The following NSL1 variants were observed in gnomAD, a reference collection of about 807,000 sequenced individuals.
NSL1 encodes the protein kinetochore-associated protein NSL1 homolog.
Under a neutral mutation model 25.4 loss-of-function variants are expected in NSL1, and 11 were observed. The ratio of observed to expected loss-of-function variants is 0.43; its 90% CI spans 0.27 to 0.72. NSL1 has a LOEUF of 0.72. NSL1 is among the 30% of genes least tolerant of loss of function. The probability of loss-of-function intolerance (pLI) is 0.19; values close to 1 mark genes in which losing one functional copy is unlikely to be tolerated. For synonymous variants in NSL1, 118 were observed against 120.6 expected (o/e 0.98, Z 0.14); for missense variants, 330 against 342.7 (o/e 0.96, Z 0.29).
rs895513038 is a variant in NSL1, at chr1:212,736,736, T to C, written c.*1672A>G. ...TAAAAATTTCCAACACAAAGTAGAA[T>C]ATAGTCATTACACAGATTCAACATT... is the stretch of plus-strand genomic sequence containing the variant. On this transcript the variant is annotated 3_prime_UTR_variant, in exon 6 of 6. Coordinates refer to ENST00000366977, the MANE Select transcript of NSL1 (RefSeq NM_015471.4). 1 of 984,436 alleles carries C rather than the reference T, an allele frequency of 1.0e-6. No homozygotes were observed. The highest frequency in any genetic ancestry group is 1.2e-6 in the Non-Finnish European group (1 of 829,046). The allele number at this position is 984,436 out of a possible 1,614,324, so 61.0% of individuals were successfully genotyped here. A position where few individuals can be genotyped will look rare whatever the true frequency, so the allele number is the denominator to read the frequency against.
intron 4 of NSL1, 58 bp from the exon 5 acceptor site, chr1:212,739,659 G>A: frequency 6.5e-7 from 1 of 1,535,434 alleles, no homozygotes; most frequent in South Asian, 1.1e-5. Flanking sequence ...AATCATAAAA[G>A]GCATATAGAT....
In NSL1 at chr1:212,771,316, A is replaced by G. The variant is rs530350232; in HGVS notation, c.499+11056T>C. Among the ~76,000 whole-genome samples, 85 of 152,306 alleles carry G rather than the reference A, an allele frequency of 5.6e-4. 1 individual carries two copies. The highest frequency in any genetic ancestry group is 9.6e-4 in the Non-Finnish European group (65 of 68,016). On this transcript the variant is annotated intron_variant, in intron 4 of 5. Transcript: ENST00000366977. Reference sequence around the variant, plus strand: ...GCAATAAGTGCAAAACTCCATCTCAAAAAACAAAAAACAAAAAACCTCTCA... The same window carrying G: ...GCAATAAGTGCAAAACTCCATCTCAGAAAACAAAAAACAAAAAACCTCTCA...
Position 212,731,478 on chromosome 1 carries a change from G to A in NSL1, c.*6930C>T, listed in dbSNP as rs1000680325. 12 of 985,258 alleles carry A rather than the reference G, an allele frequency of 1.2e-5. No individual in the cohort carries two copies. Among genetic ancestry groups the A allele is most frequent in the Admixed American group, 6.1e-5 (1 of 16,264 alleles). 61.0% of individuals were successfully genotyped at this position (985,258 alleles called of 1,614,324 possible). ...TGAAACCCTGAAAAACTGAAACCCC[G>A]AGAAAGGTTCTAGGGGATGATTTGT... On this transcript the variant is annotated 3_prime_UTR_variant, in exon 6 of 6. Transcript: ENST00000366977.
chr1:212,759,882 A>T (rs571557840), intron 4 of NSL1, among the ~76,000 whole-genome samples: 84 of 151,972 alleles, frequency 5.5e-4, no homozygotes, highest in Middle Eastern at 3.4e-3. Flanking sequence ...TGAAGCGCAC[A>T]CTCCTCAGAG....
chr1:212,786,026 CTT>C (rs1022461280), intron 2 of NSL1, among the ~76,000 whole-genome samples: 5 of 150,658 alleles, frequency 3.3e-5, no homozygotes, highest in African/African-American at 1.2e-4. Flanking sequence ...TCCTTTTTCT[CTT>C]TCTTTCCTTC....
rs1455150357 is a variant in NSL1 at position 212,731,125 on chromosome 1, AT to A, written c.*7282del. Reference sequence around the variant, plus strand: ...CCCTTCAGTGGTTCTCTAGAGAGATATTTTTTTCTTCAGAGACTTTCATAAT... The same window carrying A: ...CCCTTCAGTGGTTCTCTAGAGAGATATTTTTTCTTCAGAGACTTTCATAAT... On this transcript the variant is annotated 3_prime_UTR_variant, in exon 6 of 6. Coordinates refer to ENST00000366977, the MANE Select transcript of NSL1 (RefSeq NM_015471.4). 1.9e-5 allele frequency: 19 copies of A among 983,078 alleles called. No homozygotes were observed. Among genetic ancestry groups the A allele is most frequent in the Admixed American group, 1.3e-4 (2 of 15,898 alleles). 60.9% of individuals were successfully genotyped at this position (983,078 alleles called of 1,614,324 possible).
At chr1:212,785,119 T>C (rs1400415349) in intron 2 of NSL1, among the ~76,000 whole-genome samples, 6 of 152,126 alleles carry the variant, frequency 3.9e-5, no homozygotes, top group Non-Finnish European at 7.4e-5. Context: ...CTAAGAAGTT[T>C]TGACTTATTA....
At chr1:212,754,502 C>T (rs552501596) in intron 4 of NSL1, among the ~76,000 whole-genome samples, 7 of 152,182 alleles carry the variant, frequency 4.6e-5, no homozygotes, top group African/African-American at 1.7e-4. Context: ...ACCAGCCCGG[C>T]GCGGTGGCTC....
At chr1:212,749,459 T>TCACC (rs1658965414) in intron 4 of NSL1, among the ~76,000 whole-genome samples, 1 of 150,024 alleles carries the variant, frequency 6.7e-6, no homozygotes, top group South Asian at 2.1e-4. Flanking sequence ...TCTCACTCTG[T>TCACC]CACCCAGGCC....
Position 212,726,301 on chromosome 1 carries a change from A to C in NSL1, c.*12107T>G, listed in dbSNP as rs1657782929. The C allele has an allele frequency of 6.6e-6, 1 of 152,200 alleles. No individual in the cohort carries two copies. The highest frequency in any genetic ancestry group is 2.1e-4 in the South Asian group (1 of 4,822). The allele number at this position is 152,200 out of a possible 1,614,324, so 9.4% of individuals were successfully genotyped here. ...AAAGGATCAGATGTCCCCCATAAAC[A>C]ACTACTCTACTCAGTAGGAAGAAAA... On this transcript the variant is annotated 3_prime_UTR_variant, in exon 6 of 6. Transcript: ENST00000366977.
chr1:212,771,611 C>CAAAAAAAAAAAAAAAAA, intron 4 of NSL1, among the ~76,000 whole-genome samples: 1 of 63,946 alleles, frequency 1.6e-5, no homozygotes, highest in Non-Finnish European at 3.4e-5. Flanking sequence ...AAGACTCCAC[C>CAAAAAAAAAAAAAAAAA]AAAAAAAAAA....
At chr1:212,771,275 T>C (rs895245907) in intron 4 of NSL1, among the ~76,000 whole-genome samples, 8 of 152,072 alleles carry the variant, frequency 5.3e-5, no homozygotes, top group Admixed American at 2.6e-4. Context: ...GATTGTGCCA[T>C]TGGACTCCAG....
chr1:212,764,843 C>CAAAAAAAAAAAAAAAAAAAAAA (rs3086471), intron 4 of NSL1, among the ~76,000 whole-genome samples: 6 of 38,876 alleles, frequency 1.5e-4, no homozygotes, highest in African/African-American at 2.4e-4. Context: ...AAGACTGTCT[C>CAAAAAAAAAAAAAAAAAAAAAA]AAAAAAAAAA....
At position 212,727,394 on chromosome 1, in the gene NSL1, C is replaced by A. The variant is rs1366366101; in HGVS notation, c.*11014G>T. 3 of 985,228 alleles carry A rather than the reference C, an allele frequency of 3.0e-6. 1 individual carries two copies. In the Admixed American group the frequency reaches 1.8e-4, roughly 61 times the overall value. 61.0% of individuals were successfully genotyped at this position (985,228 alleles called of 1,614,324 possible). Reference sequence around the variant, plus strand: ...CTTAACCAGGGAAATAAGTATCAGTCAAGTTAATGTTTCCAAAATATACTC... The same window carrying A: ...CTTAACCAGGGAAATAAGTATCAGTAAAGTTAATGTTTCCAAAATATACTC... On this transcript the variant is annotated 3_prime_UTR_variant, in exon 6 of 6. Transcript: ENST00000366977.
intron 4 of NSL1, among the ~76,000 whole-genome samples, chr1:212,758,183 C>T (rs1659398696): frequency 1.3e-5 from 2 of 152,058 alleles, no homozygotes; most frequent in Admixed American, 1.3e-4. Flanking sequence ...TATCAAACAC[C>T]ATACTAGAAA....
chr1:212,744,851 T>C (rs1658684118), intron 4 of NSL1, among the ~76,000 whole-genome samples: 1 of 151,926 alleles, frequency 6.6e-6, no homozygotes, highest in Non-Finnish European at 1.5e-5. Context: ...AATATATGCA[T>C]AACAAGGCCA....
chr1:212,762,504 T>C (rs1558051512), intron 4 of NSL1, among the ~76,000 whole-genome samples: 2 of 152,104 alleles, frequency 1.3e-5, no homozygotes, highest in Admixed American at 1.3e-4. Flanking sequence ...GAATAGTGGC[T>C]AGAGAGTCAC....
At chr1:212,765,854 G>A (rs748562782) in intron 4 of NSL1, among the ~76,000 whole-genome samples, 5 of 150,996 alleles carry the variant, frequency 3.3e-5, no homozygotes, top group East Asian at 1.9e-4. Flanking sequence ...AAAAACCCTC[G>A]GGCTGGGCGC....
chr1:212,779,880 G>T (rs1391996321), intron 4 of NSL1, among the ~76,000 whole-genome samples: 1 of 130,728 alleles, frequency 7.6e-6, no homozygotes, highest in Non-Finnish European at 1.7e-5. Context: ...GGAGGGAGGT[G>T]GGGGGGTCAG....
Sources: allele counts gnomAD v4.1 joint callset (sites outside exome capture counted in the v4.1 genomes callset), GRCh38; gene constraint gnomAD v4.1.1; transcripts MANE v1.5; gene names NCBI Gene and HGNC (gene_info 2026-07-23, HGNC 2026-07-21).